OCA2: variants seen among roughly 807,000 people sequenced by gnomAD.
The protein encoded by OCA2 is OCA2 melanosomal transmembrane protein, also known as P protein.
OCA2 carries 77 observed loss-of-function variants against 100.2 expected under a neutral mutation model. That is an observed-to-expected ratio of 0.77 (90% CI 0.64 to 0.93). OCA2 has a LOEUF of 0.93. Among genes scored for constraint, OCA2 ranks in the 40% least tolerant of loss-of-function variants. OCA2 has a pLI of 0.00. For missense variants in OCA2, 1,062 were observed against 1,089.1 expected (o/e 0.98, Z 0.35); for synonymous variants, 432 against 439.2 (o/e 0.98, Z 0.21).
chr15:27,909,309 A>T (rs2038297437), intron 19 of OCA2, among the ~76,000 whole-genome samples: 1 of 152,234 alleles, frequency 6.6e-6, no homozygotes, highest in Admixed American at 6.5e-5. Flanking sequence ...TTAACAATAT[A>T]TAGATGACAG....
At chr15:27,803,212 C>T (rs1216704183) in intron 23 of OCA2, among the ~76,000 whole-genome samples, 1 of 152,082 alleles carries the variant, frequency 6.6e-6, no homozygotes, top group Non-Finnish European at 1.5e-5. Flanking sequence ...ACAAAATAAT[C>T]CAGCAACCCC....
At chr15:27,805,064 G>A (rs1307958107) in intron 23 of OCA2, among the ~76,000 whole-genome samples, 1 of 152,204 alleles carries the variant, frequency 6.6e-6, no homozygotes, top group Admixed American at 6.5e-5. Context: ...CCCCTGCAAG[G>A]GAGGCCCTGC....
the OCA2 span, among the ~76,000 whole-genome samples, chr15:27,724,869 A>T: frequency 6.6e-6 from 1 of 151,916 alleles, no homozygotes; most frequent in Admixed American, 6.6e-5. Context: ...GGATAAAGTC[A>T]ATCAGGAACT....
intron 12 of OCA2, 39 bp from the exon 13 acceptor site, chr15:27,985,227 A>C: frequency 6.2e-7 from 1 of 1,612,278 alleles, no homozygotes; most frequent in Non-Finnish European, 8.5e-7. Flanking sequence ...AGCCAGAGTG[A>C]GCAGGCTCGT....
intron 17 of OCA2, 30 bp downstream of exon 17, chr15:27,955,128 A>T (rs775430883): frequency 6.5e-7 from 1 of 1,536,546 alleles, no homozygotes; most frequent in Non-Finnish European, 9.0e-7. Context: ...GAAGTGAATC[A>T]GAAATCCCTG....
chr15:27,813,729 T>C (rs1342933116), intron 23 of OCA2, among the ~76,000 whole-genome samples: 2 of 152,214 alleles, frequency 1.3e-5, no homozygotes, highest in Middle Eastern at 3.4e-3. Flanking sequence ...TCACACATAT[T>C]TCACACTCAA....
intron 19 of OCA2, among the ~76,000 whole-genome samples, chr15:27,913,869 A>C (rs2038517930): frequency 1.8e-5 from 1 of 54,368 alleles, no homozygotes; most frequent in South Asian, 8.6e-4. Context: ...GAAAGAAAGA[A>C]AGAAAGAAAG....
At chr15:27,959,456 G>A (rs568767398) in intron 15 of OCA2, among the ~76,000 whole-genome samples, 2 of 152,340 alleles carry the variant, frequency 1.3e-5, no homozygotes, top group African/African-American at 2.4e-5. Context: ...TCCAATGTAA[G>A]TTCAGACAGA....
At chr15:28,016,691 G>C (rs372177083) in intron 7 of OCA2, among the ~76,000 whole-genome samples, 1 of 151,980 alleles carries the variant, frequency 6.6e-6, no homozygotes, top group African/African-American at 2.4e-5. Flanking sequence ...TGAGGCGGGA[G>C]GATCCTGTGA....
chr15:28,023,705 G>A (rs1409423802), intron 5 of OCA2, among the ~76,000 whole-genome samples: 3 of 152,068 alleles, frequency 2.0e-5, no homozygotes, highest in African/African-American at 7.2e-5. Flanking sequence ...CACCATCTTG[G>A]AGCAACACTC....
intron 1 of OCA2, among the ~76,000 whole-genome samples, chr15:28,092,563 G>A (rs1248443730): frequency 6.6e-6 from 1 of 152,098 alleles, no homozygotes; most frequent in Non-Finnish European, 1.5e-5. Context: ...ATGGTGCCCA[G>A]TCTGGTCTCA....
chr15:27,938,638 T>C (rs1008494038), intron 18 of OCA2, among the ~76,000 whole-genome samples: 1 of 152,162 alleles, frequency 6.6e-6, no homozygotes, highest in Non-Finnish European at 1.5e-5. Flanking sequence ...AGACCTCTAA[T>C]GAGAACACAC....
At chr15:27,786,148 G>A (rs2032805051) in intron 23 of OCA2, among the ~76,000 whole-genome samples, 2 of 152,146 alleles carry the variant, frequency 1.3e-5, no homozygotes, top group Admixed American at 6.5e-5. Context: ...AATTACCTTT[G>A]TAGTTGCCAG....
intron 9 of OCA2, among the ~76,000 whole-genome samples, chr15:28,002,981 A>G (rs2041974326): frequency 6.6e-6 from 1 of 152,246 alleles, no homozygotes; most frequent in African/African-American, 2.4e-5. Context: ...AAGGCACCAC[A>G]GGAAATCAGT....
chr15:28,022,577 T>A lies in OCA2; in HGVS notation c.574-4A>T, dbSNP rs1224763289. 3 of 1,611,334 alleles carry A rather than the reference T, an allele frequency of 1.9e-6. No homozygotes were observed. Among genetic ancestry groups the A allele is most frequent in the African/African-American group, 2.7e-5 (2 of 74,862 alleles). On this transcript the variant is annotated splice_region_variant and splice_polypyrimidine_tract_variant and intron_variant, in intron 5 of 23. Coordinates refer to ENST00000354638, the MANE Select transcript of OCA2 (RefSeq NM_000275.3). ...CCGGATATAGGCTGAACAAAATCTG[T>A]AACAATCAGAAACGTTGAATGACAG...
chr15:27,763,859 G>C (rs2031038349), intron 23 of OCA2, among the ~76,000 whole-genome samples: 1 of 152,200 alleles, frequency 6.6e-6, no homozygotes, highest in Non-Finnish European at 1.5e-5. Flanking sequence ...GTTTCAGACA[G>C]GGTGTGAGGC....
At chr15:28,045,081 C>T (rs559832861) in intron 2 of OCA2, among the ~76,000 whole-genome samples, 1 of 152,078 alleles carries the variant, frequency 6.6e-6, no homozygotes, top group Non-Finnish European at 1.5e-5. Context: ...CATCTTGATA[C>T]TTGTTTTCTA....
chr15:27,975,980 T>C (rs995254934), intron 14 of OCA2, among the ~76,000 whole-genome samples: 1 of 152,202 alleles, frequency 6.6e-6, no homozygotes, highest in African/African-American at 2.4e-5. Flanking sequence ...GTTTTCAGTA[T>C]ATAGGCCTTG....
chr15:28,023,293 T>C (rs774854423), intron 5 of OCA2, among the ~76,000 whole-genome samples: 8 of 152,232 alleles, frequency 5.3e-5, no homozygotes, highest in Admixed American at 3.3e-4. Context: ...ATTTCTAGCA[T>C]AGGTTTCCTT....
Sources: allele counts gnomAD v4.1 joint callset (sites outside exome capture counted in the v4.1 genomes callset), GRCh38; gene constraint gnomAD v4.1.1; transcripts MANE v1.5; gene names NCBI Gene and HGNC (gene_info 2026-07-23, HGNC 2026-07-21).